GABRG3: variants seen among roughly 807,000 people sequenced by gnomAD.
GABRG3 encodes the protein gamma-aminobutyric acid type A receptor subunit gamma3, also known as gamma-aminobutyric acid receptor subunit gamma-3.
In GABRG3, 25 loss-of-function variants were observed where a neutral mutation model predicts 48.8. The ratio of observed to expected loss-of-function variants is 0.51; its 90% CI spans 0.37 to 0.72. The LOEUF is 0.72. Ranked by LOEUF, GABRG3 falls within the 30% of genes least tolerant of loss-of-function variation. GABRG3 has a pLI of 0.00. For missense variants in GABRG3, 394 were observed against 577.9 expected (o/e 0.68, Z 3.26); for synonymous variants, 227 against 217.6 (o/e 1.04, Z -0.38).
intron 3 of GABRG3, among the ~76,000 whole-genome samples, chr15:27,127,892 G>A (rs1244718910): frequency 6.6e-6 from 1 of 152,212 alleles, no homozygotes; most frequent in Non-Finnish European, 1.5e-5. Context: ...GGAGGGTGGA[G>A]ATGAGCCTGG....
intron 5 of GABRG3, among the ~76,000 whole-genome samples, chr15:27,436,635 G>T (rs1888619944): frequency 6.6e-6 from 1 of 152,154 alleles, no homozygotes; most frequent in Admixed American, 6.5e-5. Context: ...TAACCTGGAG[G>T]GCTGGAAGAG....
chr15:27,480,351 C>G (rs72707657), intron 5 of GABRG3, among the ~76,000 whole-genome samples: 1 of 152,094 alleles, frequency 6.6e-6, no homozygotes, highest in South Asian at 2.1e-4. Flanking sequence ...CCTCGAAGGC[C>G]GACGGCAGCT....
At chr15:27,014,173 T>C (rs1895736565) in intron 2 of GABRG3, among the ~76,000 whole-genome samples, 1 of 152,088 alleles carries the variant, frequency 6.6e-6, no homozygotes, top group African/African-American at 2.4e-5. Context: ...TAAGTATCGT[T>C]ATTTGAGTCT....
At chr15:27,029,851 G>C (rs1896052423) in intron 3 of GABRG3, among the ~76,000 whole-genome samples, 1 of 152,166 alleles carries the variant, frequency 6.6e-6, no homozygotes. Context: ...CTGGAAGAAT[G>C]AGTGTTTCTT....
chr15:27,368,716 G>A (rs1277318459), intron 5 of GABRG3, among the ~76,000 whole-genome samples: 1 of 152,150 alleles, frequency 6.6e-6, no homozygotes, highest in Non-Finnish European at 1.5e-5. Flanking sequence ...TCTGAACCTG[G>A]TGCATCATCC....
intron 3 of GABRG3, among the ~76,000 whole-genome samples, chr15:27,130,158 G>A (rs1440205233): frequency 6.6e-6 from 1 of 151,884 alleles, no homozygotes; most frequent in South Asian, 2.1e-4. Context: ...TTTCCCCTTG[G>A]TTTTCATCTA....
At chr15:27,192,591 A>C (rs368630861) in intron 3 of GABRG3, among the ~76,000 whole-genome samples, 2 of 152,218 alleles carry the variant, frequency 1.3e-5, no homozygotes, top group East Asian at 1.9e-4. Context: ...CCTTTAAGCA[A>C]TTCTCTGTAT....
intron 3 of GABRG3, among the ~76,000 whole-genome samples, chr15:27,059,376 G>A (rs1045614850): frequency 1.3e-5 from 2 of 152,136 alleles, no homozygotes; most frequent in South Asian, 4.1e-4. Flanking sequence ...TTGGCAAAAC[G>A]GATTTTGGTG....
chr15:27,392,139 A>G (rs998957852), intron 5 of GABRG3, among the ~76,000 whole-genome samples: 2 of 152,210 alleles, frequency 1.3e-5, no homozygotes, highest in African/African-American at 4.8e-5. Flanking sequence ...CACTGTTAAC[A>G]TCTTACATTT....
At chr15:27,206,681 A>T (rs1277730723) in intron 3 of GABRG3, among the ~76,000 whole-genome samples, 1 of 152,114 alleles carries the variant, frequency 6.6e-6, no homozygotes, top group Non-Finnish European at 1.5e-5. Context: ...TTGTGTGGTT[A>T]TCTAAGTGAT....
At chr15:27,021,772 G>A (rs1895900015) in intron 2 of GABRG3, among the ~76,000 whole-genome samples, 1 of 152,204 alleles carries the variant, frequency 6.6e-6, no homozygotes, top group Admixed American at 6.5e-5. Flanking sequence ...AAGCCCAGGA[G>A]GTCCAGGCTG....
intron 3 of GABRG3, among the ~76,000 whole-genome samples, chr15:27,214,694 AT>A (rs58631276): frequency 0.28 from 40,216 of 145,696 alleles, 5,711 homozygotes; most frequent in South Asian, 0.45. Flanking sequence ...TCACATCCAC[AT>A]TTTTTTTTTT....
intron 2 of GABRG3, among the ~76,000 whole-genome samples, chr15:26,986,925 A>G (rs11638563): frequency 0.46 from 70,038 of 152,088 alleles, 16,948 homozygotes; most frequent in Middle Eastern, 0.57. Context: ...TGAAAGAGAC[A>G]GCCTCACTGG....
intron 3 of GABRG3, among the ~76,000 whole-genome samples, chr15:27,316,348 A>G (rs533968121): frequency 6.9e-6 from 1 of 144,888 alleles, no homozygotes; most frequent in African/African-American, 2.6e-5. Flanking sequence ...AGATCCCGCC[A>G]CTGCACTCCA....
intron 3 of GABRG3, among the ~76,000 whole-genome samples, chr15:27,252,580 CT>C (rs2140460942): frequency 1.3e-5 from 2 of 152,350 alleles, no homozygotes; most frequent in South Asian, 4.1e-4. Flanking sequence ...ATTTCTACAG[CT>C]TCCTTAAACC....
chr15:27,200,227 C>A (rs1888636969), intron 3 of GABRG3, among the ~76,000 whole-genome samples: 1 of 152,328 alleles, frequency 6.6e-6, no homozygotes, highest in South Asian at 2.1e-4. Flanking sequence ...TGCCTCTGTG[C>A]AGCTGTTGAC....
intron 3 of GABRG3, among the ~76,000 whole-genome samples, chr15:27,241,870 A>G (rs1201674044): frequency 6.6e-6 from 1 of 152,246 alleles, no homozygotes; most frequent in Non-Finnish European, 1.5e-5. Context: ...GACAAGAGTT[A>G]AAACTAGATT....
chr15:27,352,374 A>T lies in GABRG3; in HGVS notation c.574+23486A>T, dbSNP rs1387619853. Among the ~76,000 whole-genome samples, 1 of 151,940 alleles carries T rather than the reference A, an allele frequency of 6.6e-6. No individual in the cohort carries two copies. The highest frequency in any genetic ancestry group is 1.5e-5 in the Non-Finnish European group (1 of 67,990). ...GGGTGATGGGGTGGGATCTCTGCCA[A>T]TTTCTCTTATTCCGTTAGCTGAAGC... On this transcript the variant is annotated intron_variant, in intron 5 of 9. Coordinates refer to ENST00000615808, the MANE Select transcript of GABRG3 (RefSeq NM_033223.5). This position sits in a 1 kb window ranked among gnomAD's most constrained non-coding sequence, Gnocchi z 4.0.
At chr15:27,204,283 A>C (rs1181788377) in intron 3 of GABRG3, among the ~76,000 whole-genome samples, 2 of 152,172 alleles carry the variant, frequency 1.3e-5, no homozygotes, top group African/African-American at 4.8e-5. Flanking sequence ...AAGTTATCCT[A>C]ACACCATTTA....
Sources: gnomAD v4.1 joint callset for allele counts (sites outside exome capture counted in the v4.1 genomes callset) on GRCh38, gnomAD v4.1.1 for gene constraint, Gnocchi (gnomAD v3.1) non-coding constraint, MANE v1.5 for transcripts, NCBI Gene and HGNC (gene_info 2026-07-23, HGNC 2026-07-21) for gene names.